Variants in FAM13A observed in about 807,000 individuals in gnomAD.
FAM13A encodes family with sequence similarity 13 member A, also known as protein FAM13A.
Under a neutral mutation model 129.6 loss-of-function variants are expected in FAM13A, and 76 were observed. That is an observed-to-expected ratio of 0.59 (90% CI 0.49 to 0.71). The LOEUF (loss-of-function observed/expected upper bound fraction) is 0.71, where lower values mean the gene tolerates loss of function less well. FAM13A is among the 30% of genes least tolerant of loss of function. The pLI is 0.00. For missense variants in FAM13A, 1,108 were observed against 1,249.3 expected, an observed-to-expected ratio of 0.89 and a Z score of 1.70; for synonymous variants, 443 against 449.9, an observed-to-expected ratio of 0.98 and a Z score of 0.20.
chr4:88,897,671 T>C (rs942280050), intron 6 of FAM13A, among the ~76,000 whole-genome samples: 3 of 152,124 alleles, frequency 2.0e-5, no homozygotes, highest in Non-Finnish European at 2.9e-5. Context: ...TGGAGTACCA[T>C]TAATACCAAG....
intron 7 of FAM13A, among the ~76,000 whole-genome samples, chr4:88,846,121 G>A (rs550379531): frequency 3.3e-5 from 5 of 151,964 alleles, no homozygotes; most frequent in Admixed American, 6.6e-5. Context: ...TTCATTAATT[G>A]TCAGCTTATC....
chr4:88,881,984 G>A (rs1448277087), intron 6 of FAM13A, among the ~76,000 whole-genome samples: 7 of 152,006 alleles, frequency 4.6e-5, no homozygotes, highest in African/African-American at 1.7e-4. Flanking sequence ...TTGGGATTAT[G>A]TTAAATGACC....
At chr4:89,022,861 C>CCT (rs1166691584) in intron 2 of FAM13A, among the ~76,000 whole-genome samples, 6 of 152,074 alleles carry the variant, frequency 3.9e-5, no homozygotes, top group African/African-American at 1.4e-4. Flanking sequence ...AACTGAAAAC[C>CCT]CTCAGGTCAA....
chr4:89,025,278 G>T (rs1225049364), intron 2 of FAM13A, among the ~76,000 whole-genome samples: 4 of 38,224 alleles, frequency 1.0e-4, no homozygotes, highest in South Asian at 6.7e-4. Flanking sequence ...TTTTTTTTGA[G>T]ACGGAGTCTC....
At chr4:88,978,713 A>G (rs915885648) in intron 4 of FAM13A, among the ~76,000 whole-genome samples, 15 of 152,024 alleles carry the variant, frequency 9.9e-5, no homozygotes, top group East Asian at 3.9e-4. Context: ...AGAATGGGGT[A>G]AACCTGGGAG....
Position 88,727,499 on chromosome 4 carries a change from G to T in FAM13A, c.*1034C>A, listed in dbSNP as rs1560812744. ...TTCTGCCTTGGGCTGAGCTCTGAGG[G>T]CTACATTTACCTGTCAGTTTGGGGA... On this transcript the variant is annotated 3_prime_UTR_variant, in exon 24 of 24. Coordinates refer to ENST00000264344, the MANE Select transcript of FAM13A (RefSeq NM_014883.4). 2 of 152,430 alleles carry T rather than the reference G, an allele frequency of 1.3e-5. No homozygotes were observed. The highest frequency in any genetic ancestry group is 1.5e-5 in the Non-Finnish European group (1 of 68,014). 9.4% of individuals were successfully genotyped at this position (152,430 alleles called of 1,614,324 possible). A position where few individuals can be genotyped will look rare whatever the true frequency, so the allele number is the denominator to read the frequency against.
At chr4:88,778,670 C>A (rs189999272) in intron 11 of FAM13A, among the ~76,000 whole-genome samples, 404 of 152,314 alleles carry the variant, frequency 2.7e-3, no homozygotes, top group Non-Finnish European at 4.2e-3. Flanking sequence ...CTATTCTCAA[C>A]AAAGCATCAC....
chr4:88,947,463 A>G (rs970682984), intron 4 of FAM13A, among the ~76,000 whole-genome samples: 22 of 152,154 alleles, frequency 1.4e-4, no homozygotes, highest in African/African-American at 5.3e-4. Flanking sequence ...AAAGTTCCAC[A>G]TAACTAAAAC....
At chr4:88,975,266 G>A (rs1306481424) in intron 4 of FAM13A, among the ~76,000 whole-genome samples, 3 of 152,004 alleles carry the variant, frequency 2.0e-5, no homozygotes, top group Non-Finnish European at 2.9e-5. Flanking sequence ...TAACCTTGTC[G>A]GAGAAAATAA....
At chr4:88,918,944 T>C (rs1314073292) in intron 5 of FAM13A, among the ~76,000 whole-genome samples, 2 of 152,212 alleles carry the variant, frequency 1.3e-5, no homozygotes, top group Non-Finnish European at 2.9e-5. Context: ...ACTTTGATGG[T>C]AGCTGGTCTA....
intron 4 of FAM13A, among the ~76,000 whole-genome samples, chr4:88,975,720 T>C (rs1482138586): frequency 6.6e-6 from 1 of 152,226 alleles, no homozygotes; most frequent in Non-Finnish European, 1.5e-5. Context: ...TCTTCCATTT[T>C]TAAAAGTTGT....
chr4:89,001,506 G>A (rs1028820154), intron 3 of FAM13A, among the ~76,000 whole-genome samples: 2 of 152,116 alleles, frequency 1.3e-5, no homozygotes, highest in Admixed American at 6.6e-5. Flanking sequence ...TCTGTTTCTC[G>A]CAGAAACAGA....
intron 17 of FAM13A, among the ~76,000 whole-genome samples, chr4:88,748,235 T>C (rs1384940057): frequency 6.6e-6 from 1 of 152,236 alleles, no homozygotes; most frequent in African/African-American, 2.4e-5. Flanking sequence ...ATTGTTTTTC[T>C]GTAGTATCAA....
chr4:88,868,552 C>G (rs1740829116), intron 6 of FAM13A, among the ~76,000 whole-genome samples: 1 of 152,164 alleles, frequency 6.6e-6, no homozygotes, highest in Non-Finnish European at 1.5e-5. Context: ...CAGATTAAAA[C>G]TGTTCAGTGG....
At chr4:88,840,537 C>T (rs1187282924) in intron 7 of FAM13A, among the ~76,000 whole-genome samples, 1 of 152,074 alleles carries the variant, frequency 6.6e-6, no homozygotes, top group Non-Finnish European at 1.5e-5. Context: ...TCAGAGTACA[C>T]ATACAAGAAT....
At chr4:88,877,079 T>C (rs1742658465) in intron 6 of FAM13A, among the ~76,000 whole-genome samples, 1 of 152,210 alleles carries the variant, frequency 6.6e-6, no homozygotes, top group African/African-American at 2.4e-5. Flanking sequence ...CAGAATTTCA[T>C]TATCAATAAA....
At chr4:88,928,409 ATCTG>A (rs1752540117) in intron 5 of FAM13A, among the ~76,000 whole-genome samples, 1 of 152,036 alleles carries the variant, frequency 6.6e-6, no homozygotes. Flanking sequence ...TGTCTCAATG[ATCTG>A]TCTATTGCTG....
rs577605410 is a variant in FAM13A at position 89,036,398 on chromosome 4, G to A, written c.28-6749C>T. Among the ~76,000 whole-genome samples the A allele has an allele frequency of 2.6e-5, 4 of 152,298 alleles. No individual in the cohort carries two copies. In the East Asian group the frequency reaches 5.8e-4, roughly 22 times the overall value. On this transcript the variant is annotated intron_variant, in intron 1 of 23. Transcript: ENST00000264344. ...GAAGTTTCAAAGCAGCAAACCACTCGAGATTTGACCTGGCTGCTTCTAACA... is the reference window on the plus strand; with the variant it reads ...GAAGTTTCAAAGCAGCAAACCACTCAAGATTTGACCTGGCTGCTTCTAACA...
chr4:88,797,822 G>A (rs1726541017), intron 8 of FAM13A, among the ~76,000 whole-genome samples: 1 of 152,002 alleles, frequency 6.6e-6, no homozygotes, highest in African/African-American at 2.4e-5. Context: ...AAAGGTTTAT[G>A]TCCTTGAGGA....
Sources: allele counts gnomAD v4.1 joint callset (sites outside exome capture counted in the v4.1 genomes callset), GRCh38; gene constraint gnomAD v4.1.1; transcripts MANE v1.5; gene names NCBI Gene and HGNC (gene_info 2026-07-23, HGNC 2026-07-21).